Variants in DLGAP1 observed in about 807,000 individuals in gnomAD.
DLGAP1 encodes DLG associated protein 1, also known as disks large-associated protein 1.
DLGAP1 carries 11 observed loss-of-function variants against 90.8 expected under a neutral mutation model. The ratio of observed to expected loss-of-function variants is 0.12; its 90% CI spans 0.08 to 0.20. The LOEUF (loss-of-function observed/expected upper bound fraction) is 0.20, where lower values mean the gene tolerates loss of function less well. DLGAP1 is among the 10% of genes least tolerant of loss of function. The pLI, the probability that DLGAP1 is intolerant of heterozygous loss-of-function variation, is 1.00. For synonymous variants in DLGAP1, 558 were observed against 540.7 expected, an observed-to-expected ratio of 1.03 and a Z score of -0.44; for missense variants, 1,050 against 1,333.8, an observed-to-expected ratio of 0.79 and a Z score of 3.31.
chr18:3,560,070 T>A (rs966489868), intron 9 of DLGAP1, among the ~76,000 whole-genome samples: 8 of 152,148 alleles, frequency 5.3e-5, no homozygotes, highest in African/African-American at 1.9e-4. Context: ...TACATATATT[T>A]AAATACATTT....
At chr18:4,287,909 C>T (rs919469260) in intron 1 of DLGAP1, among the ~76,000 whole-genome samples, 4 of 151,278 alleles carry the variant, frequency 2.6e-5, no homozygotes, top group East Asian at 1.9e-4. Context: ...AAAAAAAGAG[C>T]GGGTACCCTG....
At chr18:4,255,661 G>A (rs1435814467) in intron 1 of DLGAP1, among the ~76,000 whole-genome samples, 1 of 151,914 alleles carries the variant, frequency 6.6e-6, no homozygotes, top group African/African-American at 2.4e-5. Flanking sequence ...CCTGAAATCT[G>A]GGCTATTGCT....
chr18:4,265,275 T>C (rs1413574368), intron 1 of DLGAP1, among the ~76,000 whole-genome samples: 1 of 151,818 alleles, frequency 6.6e-6, no homozygotes, highest in East Asian at 1.9e-4. Context: ...TTCACGCCAT[T>C]CTCCTGCCTC....
At chr18:3,578,644 C>T (rs867612548) in intron 8 of DLGAP1, among the ~76,000 whole-genome samples, 22 of 133,878 alleles carry the variant, frequency 1.6e-4, no homozygotes, top group African/African-American at 6.2e-4. Flanking sequence ...CCTGAGCCAC[C>T]GCACCCGGCC....
intron 7 of DLGAP1, among the ~76,000 whole-genome samples, chr18:3,693,944 A>C (rs1006792431): frequency 6.6e-6 from 1 of 151,990 alleles, no homozygotes; most frequent in Non-Finnish European, 1.5e-5. Context: ...GGTTTGTTAC[A>C]TAGGTATCCA....
intron 1 of DLGAP1, among the ~76,000 whole-genome samples, chr18:4,315,774 C>T (rs963373872): frequency 6.6e-6 from 1 of 150,926 alleles, no homozygotes; most frequent in African/African-American, 2.4e-5. Context: ...AGATTATTTG[C>T]CTCTAACATT....
At chr18:4,140,982 G>A (rs766056769) in intron 2 of DLGAP1, among the ~76,000 whole-genome samples, 20 of 151,806 alleles carry the variant, frequency 1.3e-4, no homozygotes, top group Non-Finnish European at 2.4e-4. Context: ...TTGACCTTTG[G>A]AAGTTTGACT....
chr18:4,393,158 T>C (rs1268217915), intron 1 of DLGAP1, among the ~76,000 whole-genome samples: 2 of 152,196 alleles, frequency 1.3e-5, no homozygotes, highest in African/African-American at 4.8e-5. Flanking sequence ...CTTGCATACT[T>C]GAACAATTTT....
chr18:4,210,861 G>A (rs1397579994), intron 1 of DLGAP1, among the ~76,000 whole-genome samples: 4 of 152,016 alleles, frequency 2.6e-5, no homozygotes, highest in South Asian at 4.1e-4. Flanking sequence ...TAACCCTTTC[G>A]TTTACATGTA....
At chr18:4,051,586 T>C (rs2075134651) in intron 2 of DLGAP1, among the ~76,000 whole-genome samples, 1 of 152,170 alleles carries the variant, frequency 6.6e-6, no homozygotes. Context: ...GAAACTACAA[T>C]TCAAGATGAG....
chr18:3,526,334 G>A lies in DLGAP1; in HGVS notation c.2479+7860C>T, dbSNP rs1390580556. 3.3e-5 allele frequency among the ~76,000 whole-genome samples: 5 copies of A among 152,134 alleles called. No homozygotes were observed. The highest frequency in any genetic ancestry group is 1.9e-4 in the East Asian group (1 of 5,176). On this transcript the variant is annotated intron_variant, in intron 10 of 12. Coordinates refer to ENST00000315677, the MANE Select transcript of DLGAP1 (RefSeq NM_004746.4). The surrounding 1 kb of genome is among the most constrained non-coding windows in gnomAD (Gnocchi z 4.7). Reference sequence around the variant, plus strand: ...AGACACAGCAGAGGCAATCCCAGGCGGATAAACCCTGGGTGATGGCACCGA... The same window carrying A: ...AGACACAGCAGAGGCAATCCCAGGCAGATAAACCCTGGGTGATGGCACCGA...
chr18:3,578,420 A>G (rs2055283478), intron 8 of DLGAP1, among the ~76,000 whole-genome samples: 1 of 151,128 alleles, frequency 6.6e-6, no homozygotes, highest in African/African-American at 2.4e-5. Flanking sequence ...GCAGTGGTAC[A>G]ACCTTGGCTC....
chr18:3,643,472 G>T (rs1567886899), intron 7 of DLGAP1, among the ~76,000 whole-genome samples: 1 of 151,958 alleles, frequency 6.6e-6, no homozygotes, highest in East Asian at 1.9e-4. Flanking sequence ...GACCATCCTG[G>T]CTAACACGGT....
At chr18:3,569,193 G>C (rs943781472) in intron 8 of DLGAP1, among the ~76,000 whole-genome samples, 4 of 151,114 alleles carry the variant, frequency 2.6e-5, no homozygotes, top group Non-Finnish European at 5.9e-5. Flanking sequence ...GTAGAGATGG[G>C]ATTTCACCAT....
intron 1 of DLGAP1, among the ~76,000 whole-genome samples, chr18:4,400,211 C>G (rs947782066): frequency 6.6e-6 from 1 of 152,160 alleles, no homozygotes; most frequent in Non-Finnish European, 1.5e-5. Context: ...CCAAGCATGG[C>G]GTTGGTGTTC....
intron 9 of DLGAP1, among the ~76,000 whole-genome samples, chr18:3,535,027 A>G (rs2052263022): frequency 6.7e-6 from 1 of 150,364 alleles, no homozygotes; most frequent in South Asian, 2.1e-4. Flanking sequence ...TTTCTACTTT[A>G]CTTGGCAGGT....
chr18:4,231,150 G>A (rs2078291457), intron 1 of DLGAP1, among the ~76,000 whole-genome samples: 1 of 151,720 alleles, frequency 6.6e-6, no homozygotes, highest in South Asian at 2.1e-4. Context: ...TCATATTCAG[G>A]AATATTATAA....
intron 1 of DLGAP1, among the ~76,000 whole-genome samples, chr18:4,175,896 T>C (rs977215536): frequency 3.3e-5 from 5 of 152,148 alleles, no homozygotes; most frequent in Admixed American, 2.6e-4. Flanking sequence ...CTTAGGATTG[T>C]CTTGGCTGTA....
At chr18:4,352,823 CA>C (rs1233951238) in intron 1 of DLGAP1, among the ~76,000 whole-genome samples, 1 of 152,070 alleles carries the variant, frequency 6.6e-6, no homozygotes, top group Non-Finnish European at 1.5e-5. Flanking sequence ...GCTTCTCTAC[CA>C]ATGATTTTCT....
Sources: gnomAD v4.1 joint callset for allele counts (sites outside exome capture counted in the v4.1 genomes callset) on GRCh38, gnomAD v4.1.1 for gene constraint, Gnocchi (gnomAD v3.1) non-coding constraint, MANE v1.5 for transcripts, NCBI Gene and HGNC (gene_info 2026-07-23, HGNC 2026-07-21) for gene names.